Variants in ATAD2B observed in about 807,000 individuals in gnomAD.
The protein encoded by ATAD2B is ATPase family AAA domain-containing protein 2B.
Under a neutral mutation model 167.6 loss-of-function variants are expected in ATAD2B, and 40 were observed. That is an observed-to-expected ratio of 0.24 (90% CI 0.19 to 0.31). The LOEUF (loss-of-function observed/expected upper bound fraction) is 0.31. Among genes scored for constraint, ATAD2B ranks in the 10% least tolerant of loss-of-function variants. The pLI is 1.00. For missense variants in ATAD2B, 1,242 were observed against 1,757.2 expected (o/e 0.71, Z 5.24); for synonymous variants, 579 against 596.5 (o/e 0.97, Z 0.43).
chr2:23,705,067 A>G, the ATAD2B span, among the ~76,000 whole-genome samples: 2 of 152,256 alleles, frequency 1.3e-5, no homozygotes, highest in Non-Finnish European at 2.9e-5. Context: ...TTCTTGAGCC[A>G]TACTTCCATG....
At chr2:23,733,546 G>A in the ATAD2B span, among the ~76,000 whole-genome samples, 1 of 152,134 alleles carries the variant, frequency 6.6e-6, no homozygotes, top group Non-Finnish European at 1.5e-5. Context: ...CTCCAGTTCT[G>A]AACCCTCTTC....
intron 18 of ATAD2B, among the ~76,000 whole-genome samples, chr2:23,808,664 T>C (rs1685043039): frequency 6.6e-6 from 1 of 152,202 alleles, no homozygotes; most frequent in South Asian, 2.1e-4. Flanking sequence ...AAGTTTTCCA[T>C]ATAATTAATC....
At chr2:23,867,745 A>G (rs1477225449) in intron 10 of ATAD2B, 90 bp downstream of exon 10, 2 of 899,924 alleles carry the variant, frequency 2.2e-6, no homozygotes, top group Admixed American at 4.5e-5. Flanking sequence ...TCATATCCGA[A>G]TTTTCTAGTT....
intron 13 of ATAD2B, 83 bp downstream of exon 13, chr2:23,857,332 A>G: frequency 1.4e-6 from 1 of 713,178 alleles, no homozygotes; most frequent in South Asian, 2.0e-5. Flanking sequence ...TGTAAGCCTC[A>G]TAGCACTTAG....
the ATAD2B span, among the ~76,000 whole-genome samples, chr2:23,721,618 C>G: frequency 6.6e-6 from 1 of 152,230 alleles, no homozygotes; most frequent in East Asian, 1.9e-4. Context: ...CTACCATATC[C>G]TAGACCTGAG....
rs186880924 is a variant in ATAD2B at position 23,767,241 on chromosome 2, C to T, written c.3134-1613G>A. Among the ~76,000 whole-genome samples the T allele has an allele frequency of 9.9e-5, 15 of 152,222 alleles. No homozygotes were observed. In the East Asian group the frequency reaches 2.5e-3, roughly 25 times the overall value. On this transcript the variant is annotated intron_variant, in intron 22 of 27. Transcript: ENST00000238789. Reference sequence around the variant, plus strand: ...CCTGCTCTGTCATAACCATTTTTCCCGCCAAAACACTTACCTCGTCATTCT... The same window carrying T: ...CCTGCTCTGTCATAACCATTTTTCCTGCCAAAACACTTACCTCGTCATTCT...
intron 8 of ATAD2B, chr2:23,873,130 A>G (rs569174945): frequency 8.0e-6 from 3 of 374,508 alleles, no homozygotes; most frequent in African/African-American, 6.2e-5. Flanking sequence ...CCTCTCCTCT[A>G]CTTCTTTCTC....
downstream of ATAD2B, among the ~76,000 whole-genome samples, chr2:23,747,781 G>T (rs1674978001): frequency 1.3e-5 from 2 of 152,190 alleles, no homozygotes; most frequent in Admixed American, 1.3e-4. Context: ...GTAAAAGAGG[G>T]AATGTATATA....
chr2:23,885,230 C>T (rs1468629289), intron 5 of ATAD2B, among the ~76,000 whole-genome samples: 2 of 151,950 alleles, frequency 1.3e-5, no homozygotes, highest in Admixed American at 6.6e-5. Flanking sequence ...AAGAGAAGAC[C>T]CTCCTTTTGT....
intron 13 of ATAD2B, among the ~76,000 whole-genome samples, chr2:23,852,632 A>C (rs1195345644): frequency 6.6e-6 from 1 of 152,182 alleles, no homozygotes; most frequent in Non-Finnish European, 1.5e-5. Flanking sequence ...ACTATCTAAA[A>C]TTCAGGCCAG....
chr2:23,748,195 C>G (rs866981463), downstream of ATAD2B, among the ~76,000 whole-genome samples: 1 of 152,054 alleles, frequency 6.6e-6, no homozygotes, highest in Non-Finnish European at 1.5e-5. Context: ...TCAAGGCACA[C>G]AGGAAAAATA....
At chr2:23,856,407 G>T in intron 13 of ATAD2B, 1 of 370,202 alleles carries the variant, frequency 2.7e-6, no homozygotes, top group South Asian at 2.0e-5. Context: ...GATTTGGGAT[G>T]CTCAACCTGT....
the ATAD2B span, among the ~76,000 whole-genome samples, chr2:23,737,657 G>C: frequency 6.6e-6 from 1 of 152,318 alleles, no homozygotes; most frequent in South Asian, 2.1e-4. Flanking sequence ...TCCTCCAAAG[G>C]AACGCAGCTC....
intron 19 of ATAD2B, among the ~76,000 whole-genome samples, chr2:23,796,641 G>A (rs1191918027): frequency 6.6e-6 from 1 of 152,050 alleles, no homozygotes; most frequent in African/African-American, 2.4e-5. Context: ...TATAAAATTA[G>A]AATAAAACTG....
At chr2:23,773,541 T>C (rs1678662862) in intron 22 of ATAD2B, among the ~76,000 whole-genome samples, 1 of 152,146 alleles carries the variant, frequency 6.6e-6, no homozygotes, top group African/African-American at 2.4e-5. Flanking sequence ...AAAAAAAGAA[T>C]AGAATAAAAG....
At chr2:23,718,210 TTTTACTCCTTATCTCCTAG>T in the ATAD2B span, among the ~76,000 whole-genome samples, 509 of 152,252 alleles carry the variant, frequency 3.3e-3, 3 homozygotes, top group African/African-American at 0.012. Context: ...TGGGTTTGCC[TTTTACTCCTTATCTCCTAG>T]TTTATTCTCT....
chr2:23,893,666 A>ATTT (rs1699820806), intron 2 of ATAD2B, among the ~76,000 whole-genome samples: 1 of 142,924 alleles, frequency 7.0e-6, no homozygotes, highest in African/African-American at 2.7e-5. Flanking sequence ...AAAAAAAAAA[A>ATTT]CTTTTTTTTT....
chr2:23,902,110 G>C (rs1700914132), intron 1 of ATAD2B, among the ~76,000 whole-genome samples: 1 of 152,136 alleles, frequency 6.6e-6, no homozygotes, highest in Non-Finnish European at 1.5e-5. Flanking sequence ...TGCTGGACTG[G>C]AATCTCTGGA....
intron 13 of ATAD2B, among the ~76,000 whole-genome samples, chr2:23,845,305 A>G (rs943702503): frequency 1.2e-3 from 178 of 152,334 alleles, no homozygotes; most frequent in African/African-American, 3.8e-3. Flanking sequence ...AACTGGAAAC[A>G]ACCTAAATGT....
Sources: gnomAD v4.1 joint callset for allele counts (sites outside exome capture counted in the v4.1 genomes callset) on GRCh38, gnomAD v4.1.1 for gene constraint, MANE v1.5 for transcripts, NCBI Gene and HGNC (gene_info 2026-07-23, HGNC 2026-07-21) for gene names.